Variants in C6 observed in about 807,000 individuals in gnomAD.
C6 encodes complement C6.
C6 carries 101 observed loss-of-function variants against 112.9 expected under a neutral mutation model. The ratio of observed to expected loss-of-function variants is 0.89; its 90% CI spans 0.76 to 1.06. The LOEUF is 1.06. C6 is among the 50% of genes least tolerant of loss of function. The pLI is 0.00. For missense variants in C6, 1,202 were observed against 1,104.6 expected (o/e 1.09, Z -1.25); for synonymous variants, 431 against 384.1 (o/e 1.12, Z -1.43).
At chr5:41,145,410 C>T (rs1745725517) in intron 17 of C6, among the ~76,000 whole-genome samples, 1 of 152,098 alleles carries the variant, frequency 6.6e-6, no homozygotes. Context: ...TCTGGATCAA[C>T]CGACTTGAAA....
At chr5:41,189,060 T>A (rs560215387) in intron 5 of C6, among the ~76,000 whole-genome samples, 1 of 151,950 alleles carries the variant, frequency 6.6e-6, no homozygotes, top group African/African-American at 2.4e-5. Flanking sequence ...GAAATACAAA[T>A]CAAACCTGCG....
At chr5:41,189,677 A>G (rs752389263) in intron 5 of C6, among the ~76,000 whole-genome samples, 2 of 152,046 alleles carry the variant, frequency 1.3e-5, no homozygotes, top group Non-Finnish European at 2.9e-5. Flanking sequence ...ATTGTTAACT[A>G]TAGTCACCTG....
intron 1 of C6, among the ~76,000 whole-genome samples, chr5:41,249,742 C>G (rs934590927): frequency 6.6e-6 from 1 of 152,122 alleles, no homozygotes; most frequent in Non-Finnish European, 1.5e-5. Context: ...AGCCAGGAGT[C>G]AGAACTGAAT....
chr5:41,197,917 C>T (rs969528781), intron 4 of C6, among the ~76,000 whole-genome samples: 1 of 152,160 alleles, frequency 6.6e-6, no homozygotes, highest in Non-Finnish European at 1.5e-5. Context: ...GCATGCTTAG[C>T]CAGCACATGC....
At chr5:41,218,093 G>T (rs1317647309), upstream of C6, among the ~76,000 whole-genome samples, 2 of 152,116 alleles carry the variant, frequency 1.3e-5, no homozygotes, top group Non-Finnish European at 2.9e-5. Flanking sequence ...CAGGCATTAT[G>T]CTGGGACTTA....
At chr5:41,155,566 C>T (rs919100407) in intron 13 of C6, among the ~76,000 whole-genome samples, 5 of 151,902 alleles carry the variant, frequency 3.3e-5, no homozygotes, top group Admixed American at 1.3e-4. Flanking sequence ...TCTGTCTCCA[C>T]AAAAATACAG....
At chr5:41,199,100 TA>T (rs1037030173) in intron 4 of C6, among the ~76,000 whole-genome samples, 3 of 151,942 alleles carry the variant, frequency 2.0e-5, no homozygotes, top group African/African-American at 4.8e-5. Context: ...ATGCAGGGAG[TA>T]AGAGGGGAAA....
intron 8 of C6, among the ~76,000 whole-genome samples, chr5:41,175,240 G>C (rs1246926138): frequency 6.6e-6 from 1 of 152,158 alleles, no homozygotes; most frequent in Non-Finnish European, 1.5e-5. Flanking sequence ...GATCAAAGAA[G>C]TGACAGATGT....
chr5:41,193,568 A>G (rs1284286903), intron 5 of C6, among the ~76,000 whole-genome samples: 3 of 152,222 alleles, frequency 2.0e-5, no homozygotes, highest in Admixed American at 2.0e-4. Flanking sequence ...ATCCCTACTC[A>G]CAGATCTCAC....
chr5:41,187,321 A>G (rs1328193069), intron 5 of C6, among the ~76,000 whole-genome samples: 2 of 152,140 alleles, frequency 1.3e-5, no homozygotes, highest in African/African-American at 4.8e-5. Flanking sequence ...TTGTACTTCT[A>G]TGGCATTAAC....
chr5:41,245,943 T>C (rs913282292), intron 1 of C6, among the ~76,000 whole-genome samples: 5 of 152,238 alleles, frequency 3.3e-5, no homozygotes, highest in Non-Finnish European at 7.4e-5. Flanking sequence ...ACAATTATTC[T>C]GGCCTCCTAA....
chr5:41,160,712 C>G (rs1314733080), intron 10 of C6, among the ~76,000 whole-genome samples: 1 of 152,114 alleles, frequency 6.6e-6, no homozygotes, highest in Non-Finnish European at 1.5e-5. Context: ...TCCTGCTCTA[C>G]TGAAACCTCA....
At chr5:41,222,702 G>A (rs1027588777) in intron 1 of C6, among the ~76,000 whole-genome samples, 1 of 152,096 alleles carries the variant, frequency 6.6e-6, no homozygotes, top group Non-Finnish European at 1.5e-5. Flanking sequence ...AGCTTCCCCT[G>A]CTCTTACGAG....
chr5:41,228,579 T>C (rs1305345446), intron 1 of C6, among the ~76,000 whole-genome samples: 2 of 152,214 alleles, frequency 1.3e-5, no homozygotes, highest in African/African-American at 2.4e-5. Context: ...AGTATGATTT[T>C]AGCTGTGGGT....
intron 13 of C6, among the ~76,000 whole-genome samples, chr5:41,157,550 A>G (rs528629845): frequency 1.3e-5 from 2 of 152,356 alleles, no homozygotes; most frequent in Admixed American, 6.5e-5. Context: ...CTGTGTTCCA[A>G]TAAAAATAAG....
intron 8 of C6, among the ~76,000 whole-genome samples, chr5:41,174,945 C>G (rs898484561): frequency 8.5e-5 from 13 of 152,128 alleles, no homozygotes; most frequent in Admixed American, 6.6e-4. Flanking sequence ...TCATTTCTGT[C>G]TGGGTGTGCT....
At chr5:41,224,611 G>C (rs768951181) in intron 1 of C6, among the ~76,000 whole-genome samples, 111 of 151,774 alleles carry the variant, frequency 7.3e-4, no homozygotes, top group Non-Finnish European at 1.2e-3. Context: ...ATAACACTCT[G>C]TTGCATGGGT....
intron 1 of C6, among the ~76,000 whole-genome samples, chr5:41,225,310 G>A (rs571770309): frequency 4.4e-5 from 3 of 68,262 alleles, no homozygotes; most frequent in South Asian, 1.1e-3. Flanking sequence ...GTGAGAACAT[G>A]CAGTGTTTGT....
At chr5:41,193,783 A>G (rs1313526063) in intron 5 of C6, among the ~76,000 whole-genome samples, 1 of 144,952 alleles carries the variant, frequency 6.9e-6, no homozygotes, top group Non-Finnish European at 1.5e-5. Flanking sequence ...AAGGTCAGCC[A>G]CTCAGGAAGC....
Sources: gnomAD v4.1 joint callset for allele counts (sites outside exome capture counted in the v4.1 genomes callset) on GRCh38, gnomAD v4.1.1 for gene constraint, MANE v1.5 for transcripts, NCBI Gene and HGNC (gene_info 2026-07-23, HGNC 2026-07-21) for gene names.